The following STX1B variants were observed in gnomAD, a reference collection of about 807,000 sequenced individuals.
STX1B encodes the protein syntaxin 1B, also known as syntaxin-1B.
STX1B carries 7 observed loss-of-function variants against 39.4 expected under a neutral mutation model. That is an observed-to-expected ratio of 0.18 (90% CI 0.10 to 0.33). STX1B has a LOEUF of 0.33. Ranked by LOEUF, STX1B falls within the 10% of genes least tolerant of loss-of-function variation. STX1B has a pLI of 1.00. For missense variants in STX1B, 198 were observed against 383.2 expected, an observed-to-expected ratio of 0.52 and a Z score of 4.04; for synonymous variants, 136 against 144.1, an observed-to-expected ratio of 0.94 and a Z score of 0.40.
chr16:31,009,096 GAC>G (rs1412040576), intron 1 of STX1B, among the ~76,000 whole-genome samples: 6 of 152,224 alleles, frequency 3.9e-5, no homozygotes, highest in Admixed American at 2.6e-4. Flanking sequence ...TGTCCCCAGA[GAC>G]AGCGGTCACT....
intron 6 of STX1B, 23 bp from the exon 7 acceptor site, chr16:30,996,779 G>A: frequency 6.2e-7 from 1 of 1,613,246 alleles, no homozygotes. Context: ...AGGACTCCCT[G>A]CTCGGGGGCT....
Position 31,001,436 on chromosome 16 carries a change from T to C in STX1B, c.105+93A>G. On this transcript the variant is annotated intron_variant, in intron 2 of 9. Transcript: ENST00000215095. This position sits in a 1 kb window ranked among gnomAD's most constrained non-coding sequence, Gnocchi z 5.5. ...TGGGGCTGGGTGCTGGGGCTGGGGC[T>C]GGGTGCCGGGGCTGAGGCTGGGCGG... is the stretch of plus-strand genomic sequence containing the variant. 1.3e-6 allele frequency: 1 copy of C among 752,008 alleles called. No homozygotes were observed. Among genetic ancestry groups the C allele is most frequent in the Non-Finnish European group, 1.8e-6 (1 of 556,678 alleles). 46.6% of individuals were successfully genotyped at this position (752,008 alleles called of 1,614,324 possible).
rs542437163 is a variant in STX1B, at chr16:31,001,088, A to G, written c.205+6T>C. 2 of 1,613,664 alleles carry G rather than the reference A, an allele frequency of 1.2e-6. No homozygotes were observed. The highest frequency in any genetic ancestry group is 2.2e-5 in the East Asian group (1 of 44,856). On this transcript the variant is annotated splice_donor_region_variant and intron_variant, in intron 3 of 9. Transcript: ENST00000215095. This position sits in a 1 kb window ranked among gnomAD's most constrained non-coding sequence, Gnocchi z 5.5. The stretch of plus-strand genomic sequence containing the variant: ...CCACCCCACAGTCACCGGCAGCCAC[A>G]CTCACTCTCATCTGGGTTGGGTGCG...
intron 1 of STX1B, among the ~76,000 whole-genome samples, chr16:31,006,299 T>C (rs1477181264): frequency 6.6e-6 from 1 of 151,782 alleles, no homozygotes; most frequent in South Asian, 2.1e-4. Context: ...TCCCTCCCCC[T>C]GAGCAGCCTG....
chr16:31,007,148 G>A (rs1426131151), intron 1 of STX1B, among the ~76,000 whole-genome samples: 1 of 152,108 alleles, frequency 6.6e-6, no homozygotes, highest in Non-Finnish European at 1.5e-5. Context: ...AGGCAGCCCA[G>A]AGCAGCTGGA....
chr16:31,010,406 GCTC>G lies in STX1B; in HGVS notation c.-13_-11del, dbSNP rs755403160. ...GAGTCCGATCCTTCATCCTGCGACG[GCTC>G]CTCCTCCTCCTCCTAGTCCTCCTGC... is the stretch of plus-strand genomic sequence containing the variant. On this transcript the variant is annotated 5_prime_UTR_variant, in exon 1 of 10. Coordinates refer to ENST00000215095, the MANE Select transcript of STX1B (RefSeq NM_052874.5). 8.9e-4 allele frequency: 1,311 copies of G among 1,476,798 alleles called. No individual in the cohort carries two copies. The highest frequency in any genetic ancestry group is 2.8e-3 in the South Asian group (200 of 71,940). The allele number at this position is 1,476,798 out of a possible 1,614,324, so 91.5% of individuals were successfully genotyped here. A position where few individuals can be genotyped will look rare whatever the true frequency, so the allele number is the denominator to read the frequency against.
In STX1B at chr16:30,992,490, A is replaced by G. The variant is rs539260446; in HGVS notation, c.*331T>C. The G allele has an allele frequency of 8.2e-5, 24 of 291,028 alleles. No homozygotes were observed. In the South Asian group the frequency reaches 1.2e-3, roughly 15 times the overall value. 18.0% of individuals were successfully genotyped at this position (291,028 alleles called of 1,614,324 possible). A position where few individuals can be genotyped will look rare whatever the true frequency, so the allele number is the denominator to read the frequency against. ...GGGGAAGCTCAGACCACGCACACAC[A>G]CCCAAGGTGGGGGTGGAGGGGGTGC... On this transcript the variant is annotated 3_prime_UTR_variant, in exon 10 of 10. Coordinates refer to ENST00000215095, the MANE Select transcript of STX1B (RefSeq NM_052874.5).
In STX1B at chr16:31,001,741, G is replaced by A; in HGVS notation, c.31-138C>T. On this transcript the variant is annotated intron_variant, in intron 1 of 9. Coordinates refer to ENST00000215095, the MANE Select transcript of STX1B (RefSeq NM_052874.5). This position sits in a 1 kb window ranked among gnomAD's most constrained non-coding sequence, Gnocchi z 5.5. ...AGGCTCAGAGGAGGGGTCCTGGGAG[G>A]GGTCCCATGCAGGGTAGATGGCAAA... The A allele has an allele frequency of 3.1e-6, 2 of 645,560 alleles. No homozygotes were observed. Among genetic ancestry groups the A allele is most frequent in the Non-Finnish European group, 5.3e-6 (2 of 376,752 alleles). The allele number at this position is 645,560 out of a possible 1,614,324, so 40.0% of individuals were successfully genotyped here.
Position 30,996,922 on chromosome 16 carries a change from C to T in STX1B, c.463+29G>A, listed in dbSNP as rs73528516. On this transcript the variant is annotated intron_variant, in intron 6 of 9. Coordinates refer to ENST00000215095, the MANE Select transcript of STX1B (RefSeq NM_052874.5). ...GGGGCTTGGGCAGCCTCAAGGAGTT[C>T]GGGGTCCTGGGGTGGGGGGCACACG... 37,752 of 1,530,674 alleles carry T rather than the reference C, an allele frequency of 0.025. 3,897 individuals carry two copies. The African/African-American group carries it at 0.32, about 13-fold the overall frequency. 94.8% of individuals were successfully genotyped at this position (1,530,674 alleles called of 1,614,324 possible).
chr16:31,009,109 T>TG (rs555439564), intron 1 of STX1B, among the ~76,000 whole-genome samples: 42 of 152,238 alleles, frequency 2.8e-4, no homozygotes, highest in African/African-American at 9.9e-4. Context: ...AGCGGTCACT[T>TG]GCCTCCAAAC....
chr16:31,006,242 C>T (rs149587754), intron 1 of STX1B, among the ~76,000 whole-genome samples: 129 of 152,282 alleles, frequency 8.5e-4, no homozygotes, highest in Non-Finnish European at 1.4e-3. Flanking sequence ...CTTTCCCCCA[C>T]CCTCTGCTTC....
At chr16:30,997,875 C>T (rs1367550211) in intron 4 of STX1B, among the ~76,000 whole-genome samples, 1 of 152,224 alleles carries the variant, frequency 6.6e-6, no homozygotes, top group Non-Finnish European at 1.5e-5. Flanking sequence ...AAAGTCCCAT[C>T]AGTGGTAATT....
chr16:31,010,326 T>C (rs1438777477), intron 1 of STX1B, 41 bp downstream of exon 1: 9 of 402,530 alleles, frequency 2.2e-5, no homozygotes, highest in Admixed American at 1.8e-4. Context: ...TCCCCCAATA[T>C]TGGGGTCCCG....
chr16:31,005,470 C>CTTTTTTTTT (rs35407745), intron 1 of STX1B, among the ~76,000 whole-genome samples: 3 of 113,734 alleles, frequency 2.6e-5, no homozygotes, highest in Non-Finnish European at 3.3e-5. Context: ...TTTCTTTTTC[C>CTTTTTTTTT]TTTTTTTTTT....
chr16:30,992,940 A>G, intron 9 of STX1B, 39 bp from the exon 10 acceptor site: 2 of 1,550,750 alleles, frequency 1.3e-6, no homozygotes, highest in Non-Finnish European at 1.8e-6. Flanking sequence ...AGACAGTGAG[A>G]GAGATCGACA....
intron 7 of STX1B, chr16:30,996,372 A>T: frequency 3.8e-6 from 1 of 263,298 alleles, no homozygotes; most frequent in Non-Finnish European, 7.4e-6. Flanking sequence ...TTGCCAAGTG[A>T]TTTCATCTCT....
chr16:31,001,066 C>T lies in STX1B; in HGVS notation c.205+28G>A. ...GAACCCCAGGCCCCTTCTCCTCCCACCCCACAGTCACCGGCAGCCACACTC... is the reference window on the plus strand; with the variant it reads ...GAACCCCAGGCCCCTTCTCCTCCCATCCCACAGTCACCGGCAGCCACACTC... On this transcript the variant is annotated intron_variant, in intron 3 of 9. Coordinates refer to ENST00000215095, the MANE Select transcript of STX1B (RefSeq NM_052874.5). This position sits in a 1 kb window ranked among gnomAD's most constrained non-coding sequence, Gnocchi z 5.5. 6.2e-7 allele frequency: 1 copy of T among 1,613,996 alleles called. No homozygotes were observed. Among genetic ancestry groups the T allele is most frequent in the Non-Finnish European group, 8.5e-7 (1 of 1,179,850 alleles).
rs1174384463 is a variant in STX1B at position 30,992,863 on chromosome 16, C to T, written c.825G>A (p.Gly275=). The T allele has an allele frequency of 1.2e-6, 2 of 1,613,832 alleles. No individual in the cohort carries two copies. Among genetic ancestry groups the T allele is most frequent in the African/African-American group, 2.7e-5 (2 of 74,872 alleles). The part of the protein sequence containing the change: ...IMIIICCVVL[G]VVLASSIGGT... ...CCCCAATGGATGACGCCAAGACCACCCCCAGCACCACACAGCAAATGATGA... is the reference window on the plus strand; with the variant it reads ...CCCCAATGGATGACGCCAAGACCACTCCCAGCACCACACAGCAAATGATGA... The change falls in exon 10 of 10, where the codon GGG becomes GGA. Residue 275 remains glycine (G), a synonymous_variant. Transcript: ENST00000215095.
Position 30,993,491 on chromosome 16 carries a change from T to C in STX1B, c.538-7A>G, listed in dbSNP as rs12445568. The C allele has an allele frequency of 0.38, 614,362 of 1,612,364 alleles. 123,874 individuals carry two copies. The highest frequency in any genetic ancestry group is 0.67 in the South Asian group (61,084 of 91,060). On this transcript the variant is annotated splice_region_variant and splice_polypyrimidine_tract_variant and intron_variant, in intron 7 of 9. Coordinates refer to ENST00000215095, the MANE Select transcript of STX1B (RefSeq NM_052874.5). The stretch of plus-strand genomic sequence containing the variant: ...TCTGTGAGTCCATTTTGATCTAGGG[T>C]GACGAGGGAGAGAGCTACAATCACC...
Sources: gnomAD v4.1 joint callset for allele counts (sites outside exome capture counted in the v4.1 genomes callset) on GRCh38, gnomAD v4.1.1 for gene constraint, Gnocchi (gnomAD v3.1) non-coding constraint, MANE v1.5 for transcripts, NCBI Gene and HGNC (gene_info 2026-07-23, HGNC 2026-07-21) for gene names.